The following LRBA variants were observed in gnomAD, a reference collection of about 807,000 sequenced individuals.
LRBA encodes lipopolysaccharide-responsive and beige-like anchor protein.
Under a neutral mutation model 330.0 loss-of-function variants are expected in LRBA, and 176 were observed. The observed-to-expected ratio is 0.53, with a 90% CI of 0.47 to 0.60. The LOEUF is 0.60. LRBA is among the 20% of genes least tolerant of loss of function. The pLI is 0.00. For missense variants in LRBA, 3,259 were observed against 3,444.8 expected (o/e 0.95, Z 1.35); for synonymous variants, 1,230 against 1,193.0 (o/e 1.03, Z -0.64).
At chr4:150,567,965 G>A (rs1339432144) in intron 40 of LRBA, among the ~76,000 whole-genome samples, 2 of 152,052 alleles carry the variant, frequency 1.3e-5, no homozygotes, top group Non-Finnish European at 2.9e-5. Context: ...CAAAAACAAC[G>A]ATATATTAGA....
rs578204561 is a variant in LRBA at position 150,397,898 on chromosome 4, T to C, written c.7194+17540A>G. Among the ~76,000 whole-genome samples the C allele has an allele frequency of 1.5e-4, 23 of 152,320 alleles. No homozygotes were observed. In the South Asian group the frequency reaches 2.1e-3, roughly 14 times the overall value. Reference sequence around the variant, plus strand: ...ACAATGTCTGGTGCATATTATTAAGTGTTCAACGCACGACAGCTCTTATTA... The same window carrying C: ...ACAATGTCTGGTGCATATTATTAAGCGTTCAACGCACGACAGCTCTTATTA... On this transcript the variant is annotated intron_variant, in intron 47 of 56. Transcript: ENST00000651943.
At chr4:150,489,144 A>ATCAGAATATATAAT (rs1554039001) in intron 41 of LRBA, among the ~76,000 whole-genome samples, 5 of 110,484 alleles carry the variant, frequency 4.5e-5, no homozygotes, top group Non-Finnish European at 8.9e-5. Context: ...TATAATATAT[A>ATCAGAATATATAAT]ATATATCAGA....
At chr4:150,393,641 C>T (rs186644866) in intron 47 of LRBA, among the ~76,000 whole-genome samples, 73 of 152,228 alleles carry the variant, frequency 4.8e-4, no homozygotes, top group Non-Finnish European at 9.0e-4. Context: ...TGCATCACTA[C>T]ACTTGGCTAA....
intron 40 of LRBA, among the ~76,000 whole-genome samples, chr4:150,568,736 T>G (rs1265905826): frequency 6.6e-6 from 1 of 152,156 alleles, no homozygotes; most frequent in Non-Finnish European, 1.5e-5. Context: ...AGATATATAT[T>G]CATATCAAAA....
intron 35 of LRBA, among the ~76,000 whole-genome samples, chr4:150,753,305 T>C (rs1314879344): frequency 6.6e-6 from 1 of 152,244 alleles, no homozygotes; most frequent in Non-Finnish European, 1.5e-5. Context: ...TGACCATTGC[T>C]AAATTCCCAG....
At chr4:150,490,109 G>A (rs1758722599) in intron 41 of LRBA, among the ~76,000 whole-genome samples, 1 of 151,600 alleles carries the variant, frequency 6.6e-6, no homozygotes, top group South Asian at 2.1e-4. Flanking sequence ...AGAGGTATGT[G>A]CCAGGAGGAG....
intron 40 of LRBA, 68 bp from the exon 41 acceptor site, chr4:150,491,103 A>G (rs878963596): frequency 1.0e-5 from 7 of 695,764 alleles, no homozygotes; most frequent in African/African-American, 5.4e-5. Context: ...TCTTTCCCCA[A>G]TTAAAATAGA....
intron 34 of LRBA, among the ~76,000 whole-genome samples, chr4:150,774,044 T>C (rs978144089): frequency 2.0e-5 from 3 of 152,170 alleles, no homozygotes; most frequent in African/African-American, 7.2e-5. Flanking sequence ...GGCACACCAG[T>C]GTATAGAGCA....
intron 37 of LRBA, among the ~76,000 whole-genome samples, chr4:150,627,201 CCTGA>C (rs1389805747): frequency 2.6e-5 from 4 of 151,916 alleles, no homozygotes; most frequent in Non-Finnish European, 4.4e-5. Flanking sequence ...AAAATGAGAG[CCTGA>C]CTGTGTGCTG....
chr4:151,007,662 C>A (rs1246645600), intron 2 of LRBA, among the ~76,000 whole-genome samples: 1 of 151,750 alleles, frequency 6.6e-6, no homozygotes, highest in East Asian at 1.9e-4. Flanking sequence ...TCGAGACCAT[C>A]CTGGCTAACA....
chr4:150,274,673 G>A (rs532499891), intron 56 of LRBA, among the ~76,000 whole-genome samples: 6 of 152,246 alleles, frequency 3.9e-5, no homozygotes, highest in South Asian at 2.1e-4. Flanking sequence ...ACACCTCTAC[G>A]CAAATAAACT....
intron 37 of LRBA, among the ~76,000 whole-genome samples, chr4:150,641,725 G>T (rs990160546): frequency 1.3e-5 from 2 of 152,008 alleles, no homozygotes; most frequent in Admixed American, 6.6e-5. Context: ...AATTAGTTTA[G>T]GGGTATAGGA....
At chr4:150,448,101 G>A (rs1339061209) in intron 44 of LRBA, among the ~76,000 whole-genome samples, 5 of 152,114 alleles carry the variant, frequency 3.3e-5, no homozygotes, top group East Asian at 1.9e-4. Flanking sequence ...TAAACAAATC[G>A]CTGATTCTAA....
chr4:150,480,133 T>C (rs530186426), intron 42 of LRBA, among the ~76,000 whole-genome samples: 2 of 152,152 alleles, frequency 1.3e-5, no homozygotes, highest in Non-Finnish European at 2.9e-5. Flanking sequence ...CTAAATTGTA[T>C]TGATGATGAA....
intron 40 of LRBA, among the ~76,000 whole-genome samples, chr4:150,553,393 C>A (rs1466494710): frequency 6.6e-6 from 1 of 151,852 alleles, no homozygotes; most frequent in African/African-American, 2.4e-5. Flanking sequence ...GTGCAGCACA[C>A]CAACATGGCA....
In LRBA at chr4:150,467,657, A is replaced by G; in HGVS notation, c.6780+16T>C. 1 of 1,376,756 alleles carries G rather than the reference A, an allele frequency of 7.3e-7. No individual in the cohort carries two copies. Among genetic ancestry groups the G allele is most frequent in the African/African-American group, 1.4e-5 (1 of 69,770 alleles). The allele number at this position is 1,376,756 out of a possible 1,614,324, so 85.3% of individuals were successfully genotyped here. A position where few individuals can be genotyped will look rare whatever the true frequency, so the allele number is the denominator to read the frequency against. ...ATGCAAGACAATTATATTTCACATC[A>G]TTACTGAGAAATTACCTTGGACAAA... On this transcript the variant is annotated intron_variant, in intron 44 of 56. Coordinates refer to ENST00000651943, the MANE Select transcript of LRBA (RefSeq NM_001364905.1).
At chr4:150,479,360 TAAAC>T (rs563118319) in intron 42 of LRBA, among the ~76,000 whole-genome samples, 18 of 152,286 alleles carry the variant, frequency 1.2e-4, no homozygotes, top group East Asian at 3.9e-4. Context: ...CTAGGTGTGA[TAAAC>T]AAAACTTTTC....
intron 47 of LRBA, among the ~76,000 whole-genome samples, chr4:150,380,152 C>G (rs1741989034): frequency 6.6e-6 from 1 of 151,012 alleles, no homozygotes; most frequent in African/African-American, 2.4e-5. Context: ...GCACTCCAGC[C>G]TGGGCAACAA....
chr4:150,610,176 T>C (rs1241903615), intron 37 of LRBA, among the ~76,000 whole-genome samples: 3 of 152,172 alleles, frequency 2.0e-5, no homozygotes, highest in African/African-American at 7.2e-5. Context: ...GATGATTAAA[T>C]AGCTTATGAA....
Sources: gnomAD v4.1 joint callset for allele counts (sites outside exome capture counted in the v4.1 genomes callset) on GRCh38, gnomAD v4.1.1 for gene constraint, MANE v1.5 for transcripts, NCBI Gene and HGNC (gene_info 2026-07-23, HGNC 2026-07-21) for gene names.